SUMF1: variants seen among roughly 807,000 people sequenced by gnomAD.
The protein encoded by SUMF1 is sulfatase modifying factor 1.
A neutral mutation model predicts 47.6 loss-of-function variants in SUMF1; 48 were observed. The observed-to-expected ratio is 1.01, with a 90% CI of 0.80 to 1.28. SUMF1 has a LOEUF of 1.28. Among genes scored for constraint, SUMF1 ranks in the 50% most tolerant of loss-of-function variants. The pLI is 0.00. For missense variants in SUMF1, 571 were observed against 485.4 expected (o/e 1.18, Z -1.66); for synonymous variants, 230 against 192.1 (o/e 1.20, Z -1.63).
In SUMF1 at chr3:4,361,654, T is replaced by C. The variant is rs770250081; in HGVS notation, c.*490A>G. ...ACTCAAGGTTCACACATGGAAAAAATAGCTAAAAAATAATCTATAATAAAT... is the reference window on the plus strand; with the variant it reads ...ACTCAAGGTTCACACATGGAAAAAACAGCTAAAAAATAATCTATAATAAAT... On this transcript the variant is annotated 3_prime_UTR_variant, in exon 9 of 9. Transcript: ENST00000272902. The C allele has an allele frequency of 3.1e-5, 5 of 161,184 alleles. No individual in the cohort carries two copies. Among genetic ancestry groups the C allele is most frequent in the South Asian group, 1.7e-4 (1 of 6,038 alleles). The allele number at this position is 161,184 out of a possible 1,614,324, so 10.0% of individuals were successfully genotyped here.
intron 8 of SUMF1, among the ~76,000 whole-genome samples, chr3:4,351,150 C>A (rs1699492417): frequency 6.6e-6 from 1 of 152,112 alleles, no homozygotes; most frequent in South Asian, 2.1e-4. Flanking sequence ...CCTAATATGT[C>A]CTGAAGCAAA....
At chr3:4,177,752 G>A (rs139063466) in intron 8 of SUMF1, among the ~76,000 whole-genome samples, 2 of 152,088 alleles carry the variant, frequency 1.3e-5, no homozygotes, top group African/African-American at 4.8e-5. Flanking sequence ...GAATCCAGGA[G>A]CTGGTTTTTT....
chr3:4,064,984 C>G (rs1695344684), intron 9 of SUMF1, among the ~76,000 whole-genome samples: 2 of 152,174 alleles, frequency 1.3e-5, no homozygotes, highest in African/African-American at 4.8e-5. Context: ...CTAATGGTCA[C>G]TTGCAACATG....
intron 8 of SUMF1, among the ~76,000 whole-genome samples, chr3:4,099,181 G>A (rs1692974216): frequency 6.6e-6 from 1 of 151,976 alleles, no homozygotes; most frequent in Non-Finnish European, 1.5e-5. Context: ...AGATAGTTGT[G>A]GACTTTAAAC....
intron 8 of SUMF1, among the ~76,000 whole-genome samples, chr3:4,275,509 C>T (rs1015049582): frequency 1.3e-5 from 2 of 152,158 alleles, no homozygotes; most frequent in Admixed American, 1.3e-4. Context: ...AACTCCCCAC[C>T]TCCATCCCAG....
rs200415998 is a variant in SUMF1 at position 4,151,420 on chromosome 3, TGTGTATAC to T, written c.1015-82683_1015-82676del. Among the ~76,000 whole-genome samples, 51 of 49,572 alleles carry T rather than the reference TGTGTATAC, an allele frequency of 1.0e-3. 2 individuals are homozygous for T. The highest frequency in any genetic ancestry group is 4.2e-3 in the African/African-American group (43 of 10,336). 32.5% of individuals were successfully genotyped at this position (49,572 alleles called of 152,430 possible). ...ATATGTATATGTATATATGTATATA[TGTGTATAC>T]ATGTGTATATATGTATATATGTATA... On this transcript the variant is annotated intron_variant and NMD_transcript_variant, in intron 8 of 12. Coordinates refer to the SUMF1 transcript ENST00000448413.
intron 8 of SUMF1, among the ~76,000 whole-genome samples, chr3:4,362,463 G>A (rs1412381941): frequency 1.3e-5 from 2 of 152,128 alleles, no homozygotes; most frequent in Non-Finnish European, 2.9e-5. Flanking sequence ...ATGTAACACG[G>A]ATATAGTACA....
At chr3:4,243,112 C>T (rs1260678189) in intron 8 of SUMF1, among the ~76,000 whole-genome samples, 8 of 152,050 alleles carry the variant, frequency 5.3e-5, no homozygotes, top group East Asian at 3.8e-4. Flanking sequence ...GGTGATATGC[C>T]GTTTATCATT....
Position 4,282,707 on chromosome 3 carries a change from T to C in SUMF1, c.1014+93623A>G, listed in dbSNP as rs1473353133. Among the ~76,000 whole-genome samples the C allele has an allele frequency of 2.6e-5, 4 of 152,222 alleles. No individual in the cohort carries two copies. In the South Asian group the frequency reaches 8.3e-4, roughly 31 times the overall value. On this transcript the variant is annotated intron_variant and NMD_transcript_variant, in intron 8 of 12. Transcript: ENST00000448413. ...AGAGAAAGATTTTAAAAGAAAATCT[T>C]ATTTTGAAACTTAAAAGTCATAAAA...
intron 3 of SUMF1, among the ~76,000 whole-genome samples, chr3:4,436,136 ATAAAT>A (rs1702388637): frequency 6.6e-6 from 1 of 152,192 alleles, no homozygotes; most frequent in South Asian, 2.1e-4. Context: ...AAGTAAATAA[ATAAAT>A]TAAATTAAAT....
At chr3:4,392,853 G>T (rs1244770742) in intron 7 of SUMF1, among the ~76,000 whole-genome samples, 1 of 141,250 alleles carries the variant, frequency 7.1e-6, no homozygotes, top group Non-Finnish European at 1.6e-5. Flanking sequence ...CAATTCCATT[G>T]AGGTCATATT....
intron 9 of SUMF1, among the ~76,000 whole-genome samples, chr3:4,040,979 G>C (rs1694898200): frequency 6.6e-6 from 1 of 152,186 alleles, no homozygotes; most frequent in Non-Finnish European, 1.5e-5. Flanking sequence ...ACCTCAGGTT[G>C]GGTGCCCTTG....
At chr3:4,319,745 T>G (rs1326147315) in intron 8 of SUMF1, among the ~76,000 whole-genome samples, 1 of 152,190 alleles carries the variant, frequency 6.6e-6, no homozygotes, top group African/African-American at 2.4e-5. Context: ...GGTTAAAACT[T>G]GAAGCAACAC....
In SUMF1 at chr3:4,454,345, T is replaced by C. The variant is rs1703081205; in HGVS notation, c.271-1296A>G. 2.0e-5 allele frequency among the ~76,000 whole-genome samples: 3 copies of C among 152,300 alleles called. No individual in the cohort carries two copies. In the South Asian group the frequency reaches 6.2e-4, roughly 32 times the overall value. On this transcript the variant is annotated intron_variant, in intron 1 of 8. Transcript: ENST00000272902. Reference sequence around the variant, plus strand: ...AAATGCAGGTCCATGCTCAACATCATGAGTCATTAGGGAAATGCAAATCAA... The same window carrying C: ...AAATGCAGGTCCATGCTCAACATCACGAGTCATTAGGGAAATGCAAATCAA...
chr3:4,204,991 A>G (rs1016059051), intron 8 of SUMF1, among the ~76,000 whole-genome samples: 1 of 152,060 alleles, frequency 6.6e-6, no homozygotes, highest in African/African-American at 2.4e-5. Context: ...TTTGTGCCTT[A>G]TTTAGTTCAT....
chr3:4,208,801 CCAAGAACT>C (rs1695711751), intron 8 of SUMF1, among the ~76,000 whole-genome samples: 1 of 151,890 alleles, frequency 6.6e-6, no homozygotes, highest in Non-Finnish European at 1.5e-5. Flanking sequence ...AACATAAAAT[CCAAGAACT>C]GCTGGACAAC....
At chr3:4,125,357 G>A (rs144506756) in intron 8 of SUMF1, among the ~76,000 whole-genome samples, 3 of 151,462 alleles carry the variant, frequency 2.0e-5, no homozygotes, top group Non-Finnish European at 4.4e-5. Flanking sequence ...AATGGCACTG[G>A]TATGAAGTGA....
At chr3:4,184,730 C>A (rs1441034471) in intron 8 of SUMF1, among the ~76,000 whole-genome samples, 1 of 148,210 alleles carries the variant, frequency 6.7e-6, no homozygotes, top group Non-Finnish European at 1.5e-5. Context: ...CTCACTGCAA[C>A]CTCCGCCTCC....
intron 7 of SUMF1, among the ~76,000 whole-genome samples, chr3:4,401,667 C>T (rs1170508350): frequency 6.6e-6 from 1 of 152,180 alleles, no homozygotes; most frequent in African/African-American, 2.4e-5. Flanking sequence ...GAAACCCAGG[C>T]GACTGACCTC....
Sources: allele counts gnomAD v4.1 joint callset (sites outside exome capture counted in the v4.1 genomes callset), GRCh38; gene constraint gnomAD v4.1.1; transcripts MANE v1.5; gene names NCBI Gene and HGNC (gene_info 2026-07-23, HGNC 2026-07-21).